The following NARS2 variants were observed in gnomAD, a reference collection of about 807,000 sequenced individuals.
NARS2 encodes asparaginyl-tRNA synthetase 2, mitochondrial, also known as asparaginyl-tRNA synthetase.
Under a neutral mutation model 62.9 loss-of-function variants are expected in NARS2, and 60 were observed. The ratio of observed to expected loss-of-function variants is 0.95; its 90% CI spans 0.77 to 1.18. The LOEUF (loss-of-function observed/expected upper bound fraction) is 1.18, where lower values mean the gene tolerates loss of function less well. Ranked by LOEUF, NARS2 falls within the 50% of genes most tolerant of loss-of-function variation. NARS2 has a pLI of 0.00. For synonymous variants in NARS2, 196 were observed against 200.0 expected, an observed-to-expected ratio of 0.98 and a Z score of 0.17; for missense variants, 619 against 576.4, an observed-to-expected ratio of 1.07 and a Z score of -0.76.
chr11:78,550,175 T>A (rs1456277621), intron 5 of NARS2, among the ~76,000 whole-genome samples: 1 of 152,196 alleles, frequency 6.6e-6, no homozygotes, highest in Admixed American at 6.5e-5. Context: ...GGGAGATGGC[T>A]GAATTTCTCA....
chr11:78,571,637 TATC>T (rs1856927606), intron 1 of NARS2, 193 bp from the exon 2 acceptor site: 1 of 479,108 alleles, frequency 2.1e-6, no homozygotes, highest in Non-Finnish European at 3.8e-6. Flanking sequence ...TTTGGTATTC[TATC>T]TTTTGTTTTC....
chr11:78,472,756 G>A (rs538289305), intron 9 of NARS2, among the ~76,000 whole-genome samples: 94 of 152,208 alleles, frequency 6.2e-4, no homozygotes, highest in Non-Finnish European at 1.1e-3. Context: ...TCTCTTTACT[G>A]TTTTTAGGAT....
At chr11:78,491,438 A>G (rs773353270) in intron 7 of NARS2, among the ~76,000 whole-genome samples, 4 of 152,258 alleles carry the variant, frequency 2.6e-5, no homozygotes, top group Non-Finnish European at 5.9e-5. Flanking sequence ...CAGGAATATT[A>G]CTAACTGCTG....
intron 6 of NARS2, among the ~76,000 whole-genome samples, chr11:78,501,405 T>C (rs897937730): frequency 6.6e-6 from 1 of 152,196 alleles, no homozygotes; most frequent in Non-Finnish European, 1.5e-5. Context: ...TAGTTTCAAC[T>C]TCAAGGATTC....
At chr11:78,548,886 T>C (rs546020950) in intron 5 of NARS2, among the ~76,000 whole-genome samples, 1 of 152,314 alleles carries the variant, frequency 6.6e-6, no homozygotes, top group East Asian at 1.9e-4. Flanking sequence ...CAAAAAAATC[T>C]ACTAAAGCTC....
intron 6 of NARS2, among the ~76,000 whole-genome samples, chr11:78,528,286 G>A (rs1408862138): frequency 6.6e-6 from 1 of 152,068 alleles, no homozygotes; most frequent in Non-Finnish European, 1.5e-5. Context: ...GATTTAGACA[G>A]GATTTTAAAG....
intron 6 of NARS2, among the ~76,000 whole-genome samples, chr11:78,520,128 C>T (rs911589190): frequency 6.6e-6 from 1 of 152,146 alleles, no homozygotes; most frequent in Non-Finnish European, 1.5e-5. Context: ...CCTAAGGCTG[C>T]CATGAGAAAT....
intron 6 of NARS2, among the ~76,000 whole-genome samples, chr11:78,512,215 T>C (rs896249612): frequency 8.5e-5 from 13 of 152,360 alleles, no homozygotes; most frequent in Non-Finnish European, 1.9e-4. Flanking sequence ...CAGGTGCTGA[T>C]TTAGTTTAAA....
intron 5 of NARS2, among the ~76,000 whole-genome samples, chr11:78,554,958 G>C (rs1204363823): frequency 6.6e-6 from 1 of 152,140 alleles, no homozygotes; most frequent in East Asian, 1.9e-4. Flanking sequence ...CTAGTTTATT[G>C]AGAGTTTTTA....
rs2135556069 is a variant in NARS2 at position 78,574,767 on chromosome 11, A to G, written c.-279T>C. 4 of 422,352 alleles carry G rather than the reference A, an allele frequency of 9.5e-6. No homozygotes were observed. The highest frequency in any genetic ancestry group is 3.5e-5 in the South Asian group (1 of 28,736). The allele number at this position is 422,352 out of a possible 1,614,324, so 26.2% of individuals were successfully genotyped here. ...CAGTTGGCAGCTGGGGCGCCCCACT[A>G]CCCGCGACAATTGTAAACCTACGAA... On this transcript the variant is annotated 5_prime_UTR_variant, in exon 1 of 14. Transcript: ENST00000281038.
chr11:78,538,313 C>T (rs993488685), intron 5 of NARS2, among the ~76,000 whole-genome samples: 1 of 152,076 alleles, frequency 6.6e-6, no homozygotes. Flanking sequence ...TCTGCATTTC[C>T]GTGATAATCT....
intron 4 of NARS2, among the ~76,000 whole-genome samples, chr11:78,565,364 C>A (rs1035250672): frequency 2.6e-5 from 4 of 152,118 alleles, no homozygotes; most frequent in African/African-American, 9.7e-5. Flanking sequence ...CAATAAAAAG[C>A]AAACCTCATG....
intron 6 of NARS2, among the ~76,000 whole-genome samples, chr11:78,524,310 T>C (rs1480126043): frequency 6.6e-6 from 1 of 152,124 alleles, no homozygotes; most frequent in African/African-American, 2.4e-5. Flanking sequence ...TGTCAGATCA[T>C]TTCCTTAAGA....
intron 5 of NARS2, among the ~76,000 whole-genome samples, chr11:78,536,625 G>A (rs1160314292): frequency 6.6e-6 from 1 of 151,862 alleles, no homozygotes; most frequent in African/African-American, 2.4e-5. Context: ...CGTGTTTTAA[G>A]TATTATGAAA....
At chr11:78,462,393 C>A (rs11237509) in intron 11 of NARS2, among the ~76,000 whole-genome samples, 47,529 of 151,950 alleles carry the variant, frequency 0.31, 9,087 homozygotes, top group African/African-American at 0.53. Flanking sequence ...AAGAATCATA[C>A]ATCAATTATG....
At chr11:78,458,581 T>C (rs949288396) in intron 11 of NARS2, among the ~76,000 whole-genome samples, 2 of 152,232 alleles carry the variant, frequency 1.3e-5, no homozygotes, top group African/African-American at 4.8e-5. Flanking sequence ...AAATTAAAGA[T>C]GCTTTTTAGC....
chr11:78,441,833 C>T (rs1021375970), intron 12 of NARS2, among the ~76,000 whole-genome samples: 15 of 152,146 alleles, frequency 9.9e-5, no homozygotes, highest in Non-Finnish European at 1.8e-4. Flanking sequence ...AATATAGATT[C>T]TGAGGCTGCC....
intron 11 of NARS2, among the ~76,000 whole-genome samples, chr11:78,454,331 G>C (rs1038512800): frequency 6.6e-6 from 1 of 152,164 alleles, no homozygotes; most frequent in African/African-American, 2.4e-5. Context: ...GCAGGTGTTG[G>C]ATCATGGGGG....
chr11:78,476,622 C>T (rs1859109829), intron 9 of NARS2, among the ~76,000 whole-genome samples: 1 of 152,220 alleles, frequency 6.6e-6, no homozygotes, highest in African/African-American at 2.4e-5. Context: ...GTGGTGAAGG[C>T]TGGGACCCTC....
Sources: gnomAD v4.1 joint callset for allele counts (sites outside exome capture counted in the v4.1 genomes callset) on GRCh38, gnomAD v4.1.1 for gene constraint, MANE v1.5 for transcripts, NCBI Gene and HGNC (gene_info 2026-07-23, HGNC 2026-07-21) for gene names.